Variants in ITGA6 observed in about 807,000 individuals in gnomAD.
ITGA6 encodes the protein integrin subunit alpha 6, also known as integrin alpha-6.
In ITGA6, 63 loss-of-function variants were observed where a neutral mutation model predicts 133.6. The ratio of observed to expected loss-of-function variants is 0.47; its 90% CI spans 0.38 to 0.58. The LOEUF (loss-of-function observed/expected upper bound fraction) is 0.58. Among genes scored for constraint, ITGA6 ranks in the 20% least tolerant of loss-of-function variants. The pLI is 0.00. For missense variants in ITGA6, 1,068 were observed against 1,309.4 expected, an observed-to-expected ratio of 0.82 and a Z score of 2.85; for synonymous variants, 434 against 482.0, an observed-to-expected ratio of 0.90 and a Z score of 1.30.
In ITGA6 at chr2:172,505,449, ATC is replaced by A. The variant is rs1687520188; in HGVS notation, c.*1383_*1384del. ...TATTTTTTGTTTTGTTTCCTCCCCTATCTGTATTCCCAAAAATTACTTTGGGG... is the reference window on the plus strand; with the variant it reads ...TATTTTTTGTTTTGTTTCCTCCCCTATGTATTCCCAAAAATTACTTTGGGG... On this transcript the variant is annotated 3_prime_UTR_variant, in exon 26 of 26. Coordinates refer to ENST00000684293, the MANE Select transcript of ITGA6 (RefSeq NM_000210.4). 2 of 152,194 alleles carry A rather than the reference ATC, an allele frequency of 1.3e-5. No individual in the cohort carries two copies. The highest frequency in any genetic ancestry group is 2.9e-5 in the Non-Finnish European group (2 of 68,006). 9.4% of individuals were successfully genotyped at this position (152,194 alleles called of 1,614,324 possible).
At chr2:172,466,103 C>G in intron 2 of ITGA6, 1 of 273,358 alleles carries the variant, frequency 3.7e-6, no homozygotes, top group Non-Finnish European at 7.2e-6. Context: ...ATAAAGTTTT[C>G]CCTCCTGTCT....
chr2:172,442,890 C>A (rs1559117495), intron 1 of ITGA6, among the ~76,000 whole-genome samples: 1 of 151,764 alleles, frequency 6.6e-6, no homozygotes, highest in Non-Finnish European at 1.5e-5. Context: ...TTTTTTTTAA[C>A]CTCACTATCT....
intron 1 of ITGA6, among the ~76,000 whole-genome samples, chr2:172,458,060 C>T (rs1205463997): frequency 1.3e-5 from 2 of 151,956 alleles, no homozygotes; most frequent in African/African-American, 4.8e-5. Context: ...CAGGGGTCCA[C>T]AGAGACCAGG....
chr2:172,474,974 T>C lies in ITGA6; in HGVS notation c.1032T>C (p.Asp344=), dbSNP rs1686104268. The change falls in exon 7 of 26, where the codon GAT becomes GAC. Residue 344 remains aspartate (D), a synonymous_variant. Coordinates refer to ENST00000684293, the MANE Select transcript of ITGA6 (RefSeq NM_000210.4). ...VIGAPQYFDR[D]GEVGGAVYVY... is the part of the protein sequence containing the mutation. ...GAGCCCCACAGTATTTTGATAGAGA[T>C]GGAGAAGTTGGAGGTGCAGTGTATG... 2.5e-6 allele frequency: 4 copies of C among 1,584,820 alleles called. No individual in the cohort carries two copies. Among genetic ancestry groups the C allele is most frequent in the African/African-American group, 1.3e-5 (1 of 74,222 alleles).
chr2:172,456,316 A>G (rs1685206274), intron 1 of ITGA6, among the ~76,000 whole-genome samples: 1 of 152,016 alleles, frequency 6.6e-6, no homozygotes, highest in Non-Finnish European at 1.5e-5. Flanking sequence ...GACCAAAATA[A>G]CTCACCTGTG....
intron 5 of ITGA6, among the ~76,000 whole-genome samples, chr2:172,473,439 C>T (rs533417092): frequency 6.6e-6 from 1 of 152,164 alleles, no homozygotes; most frequent in African/African-American, 2.4e-5. Flanking sequence ...GTTTTGTCTG[C>T]ATGTTTGTGT....
intron 1 of ITGA6, among the ~76,000 whole-genome samples, chr2:172,431,324 A>C (rs1684096415): frequency 6.6e-6 from 1 of 152,248 alleles, no homozygotes; most frequent in African/African-American, 2.4e-5. Context: ...TGCTCATGCC[A>C]TTTTTAAATG....
chr2:172,445,445 C>T (rs1177840001), intron 1 of ITGA6, among the ~76,000 whole-genome samples: 6 of 148,426 alleles, frequency 4.0e-5, no homozygotes, highest in Non-Finnish European at 8.9e-5. Context: ...GTCAGGAGAT[C>T]GAGACCATCC....
At chr2:172,478,489 C>T (rs527481002) in intron 9 of ITGA6, among the ~76,000 whole-genome samples, 3 of 152,336 alleles carry the variant, frequency 2.0e-5, no homozygotes, top group South Asian at 4.1e-4. Flanking sequence ...TGGGCCTCCT[C>T]ACCCACTCAT....
At chr2:172,475,153 T>G in intron 7 of ITGA6, 31 bp downstream of exon 7, 1 of 1,305,054 alleles carries the variant, frequency 7.7e-7, no homozygotes, top group Non-Finnish European at 1.1e-6. Flanking sequence ...TGGCTATGAT[T>G]TATAGATTAT....
At position 172,480,565 on chromosome 2, in the gene ITGA6, G is replaced by A. The variant is rs559214102; in HGVS notation, c.1549+514G>A. The stretch of plus-strand genomic sequence containing the variant: ...CAGGCCCCTAGGGAATTTGCAAGCC[G>A]GCCCTGAGAGGTCAGAGACCTGGTC... On this transcript the variant is annotated intron_variant, in intron 11 of 25. Coordinates refer to ENST00000684293, the MANE Select transcript of ITGA6 (RefSeq NM_000210.4). Among the ~76,000 whole-genome samples the A allele has an allele frequency of 7.9e-5, 12 of 152,188 alleles. No individual in the cohort carries two copies. In the East Asian group the frequency reaches 1.2e-3, roughly 15 times the overall value.
At chr2:172,455,401 A>C (rs1325427453) in intron 1 of ITGA6, among the ~76,000 whole-genome samples, 2 of 152,178 alleles carry the variant, frequency 1.3e-5, no homozygotes, top group Admixed American at 1.3e-4. Flanking sequence ...GCTTGGGATA[A>C]CTGCTGGGTG....
At chr2:172,427,555 T>G, upstream of ITGA6, 1 of 1,204,214 alleles carries the variant, frequency 8.3e-7, no homozygotes, top group Non-Finnish European at 1.0e-6. Context: ...TCCTCGTCAC[T>G]TGATAAAACG....
chr2:172,473,916 C>T (rs993538215), intron 5 of ITGA6, 139 bp from the exon 6 acceptor site: 10 of 628,464 alleles, frequency 1.6e-5, no homozygotes, highest in Admixed American at 5.4e-5. Flanking sequence ...ACTCATATTA[C>T]GAATGTGATA....
chr2:172,434,702 G>A lies in ITGA6; in HGVS notation c.182+6732G>A, dbSNP rs78932456. On this transcript the variant is annotated intron_variant, in intron 1 of 25. Transcript: ENST00000684293. ...GGGCAAAAACTCATGACATGGAGCC[G>A]TGGGTATCTGCTTGCATGTTTATTT... Among the ~76,000 whole-genome samples, 1,201 of 152,232 alleles carry A rather than the reference G, an allele frequency of 7.9e-3. 17 individuals are homozygous for A. Among genetic ancestry groups the A allele is most frequent in the African/African-American group, 0.027 (1,119 of 41,518 alleles).
At chr2:172,502,938 A>C (rs902884186) in intron 25 of ITGA6, among the ~76,000 whole-genome samples, 2 of 151,594 alleles carry the variant, frequency 1.3e-5, no homozygotes, top group Non-Finnish European at 2.9e-5. Context: ...CATATTTTGT[A>C]ATAGATAGGT....
intron 1 of ITGA6, among the ~76,000 whole-genome samples, chr2:172,442,788 C>T (rs1231169137): frequency 6.6e-6 from 1 of 152,106 alleles, no homozygotes; most frequent in East Asian, 1.9e-4. Context: ...ATCTTTGACT[C>T]TTTGCCAGCA....
At chr2:172,498,191 C>A in intron 24 of ITGA6, 91 bp downstream of exon 24, 1 of 1,300,388 alleles carries the variant, frequency 7.7e-7, no homozygotes, top group Non-Finnish European at 1.1e-6. Context: ...TTTTCTTTTT[C>A]ATTGCTTCCT....
At chr2:172,495,291 C>A (rs1001499530) in intron 23 of ITGA6, 2 of 152,190 alleles carry the variant, frequency 1.3e-5, no homozygotes, top group Admixed American at 6.5e-5. Flanking sequence ...TGCGTCATCC[C>A]CATGGAAATA....
Sources: gnomAD v4.1 joint callset for allele counts (sites outside exome capture counted in the v4.1 genomes callset) on GRCh38, gnomAD v4.1.1 for gene constraint, MANE v1.5 for transcripts, NCBI Gene and HGNC (gene_info 2026-07-23, HGNC 2026-07-21) for gene names.